CHODL: variants seen among roughly 807,000 people sequenced by gnomAD.
CHODL encodes transmembrane protein MT75.
A neutral mutation model predicts 34.5 loss-of-function variants in CHODL; 29 were observed. The ratio of observed to expected loss-of-function variants is 0.84; its 90% CI spans 0.63 to 1.15. CHODL has a LOEUF of 1.15. Ranked by LOEUF, CHODL falls within the 50% of genes most tolerant of loss-of-function variation. The probability of loss-of-function intolerance (pLI) is 0.00; values close to 1 mark genes in which losing one functional copy is unlikely to be tolerated. For synonymous variants in CHODL, 125 were observed against 116.1 expected, an observed-to-expected ratio of 1.08 and a Z score of -0.49; for missense variants, 332 against 332.5, an observed-to-expected ratio of 1.00 and a Z score of 0.01.
chr21:18,218,761 G>A (rs929588124), intron 2 of CHODL, among the ~76,000 whole-genome samples: 3 of 152,208 alleles, frequency 2.0e-5, no homozygotes, highest in Admixed American at 1.3e-4. Context: ...AAATTCCACA[G>A]ATCTCTGGGG....
intron 2 of CHODL, among the ~76,000 whole-genome samples, chr21:18,239,191 AAAT>A (rs529416342): frequency 3.9e-3 from 592 of 152,272 alleles, no homozygotes; most frequent in African/African-American, 0.013. Context: ...TATTGCAGAT[AAAT>A]AATAACTTTT....
At chr21:18,097,573 T>A (rs139780769) in intron 2 of CHODL, among the ~76,000 whole-genome samples, 2 of 151,906 alleles carry the variant, frequency 1.3e-5, no homozygotes, top group Non-Finnish European at 2.9e-5. Context: ...ATTGAAGAGA[T>A]ACCAAAAATG....
At position 18,116,324 on chromosome 21, in the gene CHODL, CTCTTTTA is replaced by C. The variant is rs1187439394; in HGVS notation, c.-45+88357_-45+88363del. Among the ~76,000 whole-genome samples, 3 of 152,152 alleles carry C rather than the reference CTCTTTTA, an allele frequency of 2.0e-5. No homozygotes were observed. The East Asian group carries it at 5.8e-4, about 29-fold the overall frequency. On this transcript the variant is annotated intron_variant, in intron 2 of 6. Coordinates refer to the CHODL transcript ENST00000400127. ...TTCTCTCTCTCTCTCTTTCTCTTTTCTCTTTTATCTCATTTAGAGGTTCCAATACCTA... is the reference window on the plus strand; with the variant it reads ...TTCTCTCTCTCTCTCTTTCTCTTTTCTCTCATTTAGAGGTTCCAATACCTA...
chr21:18,137,455 C>G (rs1295404545), intron 2 of CHODL, among the ~76,000 whole-genome samples: 1 of 152,160 alleles, frequency 6.6e-6, no homozygotes, highest in Non-Finnish European at 1.5e-5. Flanking sequence ...TCCTCATTTA[C>G]CTACTTAGAG....
At chr21:18,168,132 C>A (rs950620380) in intron 2 of CHODL, among the ~76,000 whole-genome samples, 7 of 152,182 alleles carry the variant, frequency 4.6e-5, no homozygotes, top group Non-Finnish European at 8.8e-5. Context: ...GTCTCTCAGA[C>A]CTTCCCACCG....
chr21:18,090,726 GAAAAAAAA>G (rs5842674), intron 2 of CHODL, among the ~76,000 whole-genome samples: 1 of 125,188 alleles, frequency 8.0e-6, no homozygotes. Flanking sequence ...ATAATTTCCA[GAAAAAAAA>G]AAAAAAAAAA....
At chr21:18,141,723 G>GAAAAAA (rs11308901) in intron 2 of CHODL, among the ~76,000 whole-genome samples, 2 of 124,578 alleles carry the variant, frequency 1.6e-5, no homozygotes, top group Non-Finnish European at 1.8e-5. Context: ...GAAAGAACAG[G>GAAAAAA]AAAAAAAAAA....
At chr21:18,210,187 T>A (rs1250465711) in intron 2 of CHODL, among the ~76,000 whole-genome samples, 4 of 152,202 alleles carry the variant, frequency 2.6e-5, no homozygotes, top group African/African-American at 9.7e-5. Context: ...GTCATTCTCC[T>A]CTGGCTAGGG....
intron 2 of CHODL, among the ~76,000 whole-genome samples, chr21:18,126,307 T>C (rs2065543244): frequency 6.6e-6 from 1 of 152,260 alleles, no homozygotes; most frequent in East Asian, 1.9e-4. Context: ...TAAAGTATTT[T>C]AAATTATGGC....
intron 1 of CHODL, among the ~76,000 whole-genome samples, chr21:18,018,935 C>T (rs2064101676): frequency 1.3e-5 from 2 of 152,220 alleles, no homozygotes; most frequent in Non-Finnish European, 2.9e-5. Flanking sequence ...TCTATTATTG[C>T]AACCTTCTAA....
At chr21:18,136,925 A>T (rs748069338) in intron 2 of CHODL, among the ~76,000 whole-genome samples, 2 of 151,944 alleles carry the variant, frequency 1.3e-5, no homozygotes, top group Non-Finnish European at 2.9e-5. Flanking sequence ...ATACCATGAC[A>T]TACAGAAAAA....
intron 2 of CHODL, among the ~76,000 whole-genome samples, chr21:18,193,383 A>G (rs976024714): frequency 1.3e-5 from 2 of 152,070 alleles, no homozygotes; most frequent in African/African-American, 4.8e-5. Flanking sequence ...TTTCGTAGAA[A>G]TCACTACACA....
At chr21:18,083,983 G>A (rs1357146783) in intron 2 of CHODL, among the ~76,000 whole-genome samples, 1 of 152,140 alleles carries the variant, frequency 6.6e-6, no homozygotes, top group East Asian at 1.9e-4. Context: ...TTTGGGAGAG[G>A]CAATGTGGTT....
At chr21:18,227,456 G>A (rs1382018839) in intron 2 of CHODL, among the ~76,000 whole-genome samples, 1 of 152,090 alleles carries the variant, frequency 6.6e-6, no homozygotes, top group Non-Finnish European at 1.5e-5. Flanking sequence ...CAACATATAT[G>A]TTGTGTGTAG....
At chr21:17,937,724 C>T (rs1261880692) in intron 1 of CHODL, among the ~76,000 whole-genome samples, 1 of 151,926 alleles carries the variant, frequency 6.6e-6, no homozygotes, top group Non-Finnish European at 1.5e-5. Flanking sequence ...AATTTTTCTA[C>T]CTTCTCATTT....
rs181900934 is a variant in CHODL at position 18,073,034 on chromosome 21, A to G, written c.-45+45063A>G. 4.8e-3 allele frequency among the ~76,000 whole-genome samples: 728 copies of G among 152,274 alleles called. 7 individuals carry two copies. The highest frequency in any genetic ancestry group is 8.5e-3 in the Non-Finnish European group (575 of 67,988). ...ATCAATGTGTAACTTCTTCAGTAACAATAACATTTAGATAAGGAATATTTT... is the reference window on the plus strand; with the variant it reads ...ATCAATGTGTAACTTCTTCAGTAACGATAACATTTAGATAAGGAATATTTT... On this transcript the variant is annotated intron_variant, in intron 2 of 6. Coordinates refer to the CHODL transcript ENST00000400127.
intron 2 of CHODL, among the ~76,000 whole-genome samples, chr21:18,235,052 G>A (rs2074016562): frequency 6.6e-6 from 1 of 152,106 alleles, no homozygotes; most frequent in African/African-American, 2.4e-5. Context: ...CATTGCAAAG[G>A]CAGAGAAAAT....
At chr21:18,203,455 C>T (rs1344864248) in intron 2 of CHODL, among the ~76,000 whole-genome samples, 15 of 152,102 alleles carry the variant, frequency 9.9e-5, no homozygotes, top group Admixed American at 9.2e-4. Flanking sequence ...GCATTTAAAT[C>T]TCCATCAAAA....
At chr21:18,051,673 A>C (rs2064518249) in intron 2 of CHODL, among the ~76,000 whole-genome samples, 1 of 151,948 alleles carries the variant, frequency 6.6e-6, no homozygotes, top group African/African-American at 2.4e-5. Flanking sequence ...CAGGAATTTT[A>C]AGAAATGTTT....
Sources: gnomAD v4.1 joint callset for allele counts (sites outside exome capture counted in the v4.1 genomes callset) on GRCh38, gnomAD v4.1.1 for gene constraint, MANE v1.5 for transcripts, NCBI Gene and HGNC (gene_info 2026-07-23, HGNC 2026-07-21) for gene names.